Variants in UNC5B observed in about 807,000 individuals in gnomAD.
The protein encoded by UNC5B is netrin receptor UNC5B.
UNC5B carries 56 observed loss-of-function variants against 103.7 expected under a neutral mutation model. The ratio of observed to expected loss-of-function variants is 0.54; its 90% confidence interval spans 0.44 to 0.67. UNC5B has a LOEUF of 0.67. Ranked by LOEUF, UNC5B falls within the 30% of genes least tolerant of loss-of-function variation. The pLI is 0.00. For missense variants in UNC5B, 1,194 were observed against 1,284.5 expected (o/e 0.93, Z 1.08); for synonymous variants, 577 against 542.0 (o/e 1.06, Z -0.90).
At chr10:71,270,891 C>T (rs1298854784) in intron 1 of UNC5B, among the ~76,000 whole-genome samples, 1 of 152,162 alleles carries the variant, frequency 6.6e-6, no homozygotes, top group Non-Finnish European at 1.5e-5. Context: ...CTTAGGGGGA[C>T]AGCAGCATTA....
intron 1 of UNC5B, among the ~76,000 whole-genome samples, chr10:71,228,752 G>A (rs1843622094): frequency 6.6e-6 from 1 of 152,248 alleles, no homozygotes; most frequent in South Asian, 2.1e-4. Context: ...CACCCACGGG[G>A]CCTCCTCTGT....
rs745870058 is a variant in UNC5B at position 71,299,243 on chromosome 10, T to C, written c.2804T>C (p.Met935Thr). 22 of 1,614,032 alleles carry C rather than the reference T, an allele frequency of 1.4e-5. No homozygotes were observed. The Admixed American group carries it at 1.8e-4, about 13-fold the overall frequency. ...TTGGAGGAGATGGGCAAGAGTGAGA[T>C]GCTGGTGGCTGTGGCCACCGACGGG... Reference protein sequence around the residue: ...SALEEMGKSEMLVAVATDGDC With the variant: ...SALEEMGKSETLVAVATDGDC Residue 935 changes from methionine to threonine, a missense_variant, in exon 17 of 17, where the codon ATG becomes ACG. Physicochemically the swap from Met to Thr is moderately conservative, Grantham distance 81. Coordinates refer to ENST00000335350, the MANE Select transcript of UNC5B (RefSeq NM_170744.5).
chr10:71,302,227 G>A lies in UNC5B; in HGVS notation c.*2950G>A, dbSNP rs2132323270. On this transcript the variant is annotated 3_prime_UTR_variant, in exon 17 of 17. Transcript: ENST00000335350. ...AGCTCAGGTACCCTTGGGGGTTGCA[G>A]GGCCCTTACGCAGGTATTTCTCTCT... is the stretch of plus-strand genomic sequence containing the variant. 6.6e-6 allele frequency: 1 copy of A among 152,324 alleles called. No individual in the cohort carries two copies. Among genetic ancestry groups the A allele is most frequent in the African/African-American group, 2.4e-5 (1 of 41,534 alleles). The allele number at this position is 152,324 out of a possible 1,614,324, so 9.4% of individuals were successfully genotyped here.
chr10:71,241,249 G>A (rs913912325), intron 1 of UNC5B, among the ~76,000 whole-genome samples: 8 of 152,182 alleles, frequency 5.3e-5, no homozygotes, highest in Non-Finnish European at 7.3e-5. Flanking sequence ...TTTAGCTAGA[G>A]GAGAGGTTGC....
chr10:71,229,379 G>A (rs1254100672), intron 1 of UNC5B, among the ~76,000 whole-genome samples: 2 of 152,218 alleles, frequency 1.3e-5, no homozygotes, highest in African/African-American at 4.8e-5. Flanking sequence ...ATTGCCGGAA[G>A]GTCCTGCTCC....
At chr10:71,254,218 G>A (rs555117773) in intron 1 of UNC5B, among the ~76,000 whole-genome samples, 21 of 152,356 alleles carry the variant, frequency 1.4e-4, no homozygotes, top group African/African-American at 4.6e-4. Context: ...TAGCAGAGGG[G>A]GTTTTGTGCC....
At chr10:71,286,641 T>TCAA (rs1845090158) in intron 4 of UNC5B, 48 bp from the exon 5 acceptor site, 1 of 1,605,930 alleles carries the variant, frequency 6.2e-7, no homozygotes, top group South Asian at 1.1e-5. Context: ...CTGTTTATGA[T>TCAA]CAAACCTGTC....
intron 1 of UNC5B, among the ~76,000 whole-genome samples, chr10:71,272,171 C>T (rs1844661713): frequency 6.6e-6 from 1 of 152,196 alleles, no homozygotes; most frequent in Non-Finnish European, 1.5e-5. Flanking sequence ...ATTTTCCATG[C>T]AGTGGGAGGT....
chr10:71,280,612 A>G (rs71477533), intron 2 of UNC5B, among the ~76,000 whole-genome samples: 3,824 of 152,180 alleles, frequency 0.025, 69 homozygotes, highest in Non-Finnish European at 0.039. Context: ...GAAACTGGGA[A>G]ACTCGAGGAA....
chr10:71,262,773 C>T (rs1203997065), intron 1 of UNC5B, among the ~76,000 whole-genome samples: 1 of 152,204 alleles, frequency 6.6e-6, no homozygotes, highest in Non-Finnish European at 1.5e-5. Context: ...CTGGGCCTCA[C>T]TTGGCACAGC....
chr10:71,269,348 C>CCCCA (rs1554865177), intron 1 of UNC5B, among the ~76,000 whole-genome samples: 2 of 143,416 alleles, frequency 1.4e-5, no homozygotes, highest in Non-Finnish European at 1.5e-5. Context: ...TGAAGTCCCC[C>CCCCA]CCCCACAACT....
chr10:71,275,354 G>C (rs942038268), intron 1 of UNC5B, among the ~76,000 whole-genome samples: 12 of 152,220 alleles, frequency 7.9e-5, no homozygotes, highest in Non-Finnish European at 5.9e-5. Flanking sequence ...CTTAGATGTG[G>C]TTCCTCTGTA....
chr10:71,295,376 ATCTG>A, intron 13 of UNC5B, among the ~76,000 whole-genome samples: 1 of 152,240 alleles, frequency 6.6e-6, no homozygotes, highest in Non-Finnish European at 1.5e-5. Context: ...TCATCCATCC[ATCTG>A]TCTTTCTGTT....
At chr10:71,229,589 A>G (rs573285055) in intron 1 of UNC5B, among the ~76,000 whole-genome samples, 1 of 152,272 alleles carries the variant, frequency 6.6e-6, no homozygotes, top group East Asian at 1.9e-4. Context: ...GGCCCACTGG[A>G]CCAGAGCGCT....
rs142557617 is a variant in UNC5B, at chr10:71,216,660, C to T, written c.79+3596C>T. Among the ~76,000 whole-genome samples, 374 of 152,346 alleles carry T rather than the reference C, an allele frequency of 2.5e-3. 2 individuals are homozygous for T. The highest frequency in any genetic ancestry group is 8.1e-3 in the African/African-American group (337 of 41,568). The stretch of plus-strand genomic sequence containing the variant: ...AAGCTTTAGGAGCCAGTGCCCTCCC[C>T]CACCTTTGTTGTTGAGTTTCTCCTG... On this transcript the variant is annotated intron_variant, in intron 1 of 16. Coordinates refer to ENST00000335350, the MANE Select transcript of UNC5B (RefSeq NM_170744.5).
Position 71,291,457 on chromosome 10 carries a change from T to G in UNC5B, c.1320T>G (p.Ser440=), listed in dbSNP as rs761303672. 3 of 1,612,446 alleles carry G rather than the reference T, an allele frequency of 1.9e-6. No homozygotes were observed. Among genetic ancestry groups the G allele is most frequent in the Non-Finnish European group, 1.7e-6 (2 of 1,179,182 alleles). The change falls in exon 10 of 17, where the codon TCT becomes TCG. Residue 440 remains serine, a synonymous_variant. Transcript: ENST00000335350. ...GCAACCCGCAGCTCCTACACCCCTC[T>G]GTGCCTCCTGACCTGACAGCCAGCG... ...RPSNPQLLHP[S]VPPDLTASAG...
chr10:71,289,926 G>A (rs1319132065), intron 8 of UNC5B, among the ~76,000 whole-genome samples: 1 of 152,220 alleles, frequency 6.6e-6, no homozygotes. Context: ...AGGACTCCAG[G>A]CAGAGGAAGC....
intron 7 of UNC5B, 81 bp downstream of exon 7, chr10:71,288,813 C>T: frequency 6.5e-7 from 1 of 1,544,150 alleles, no homozygotes; most frequent in South Asian, 1.2e-5. Flanking sequence ...CCCCATGCCT[C>T]AGTGCCCAGC....
intron 4 of UNC5B, 33 bp from the exon 5 acceptor site, chr10:71,286,656 G>T (rs753586291): frequency 6.2e-7 from 1 of 1,612,020 alleles, no homozygotes; most frequent in South Asian, 1.1e-5. Flanking sequence ...CCTGTCCTGG[G>T]CCCTCACTGC....
Sources: gnomAD v4.1 joint callset for allele counts (sites outside exome capture counted in the v4.1 genomes callset) on GRCh38, gnomAD v4.1.1 for gene constraint, MANE v1.5 for transcripts, NCBI Gene and HGNC (gene_info 2026-07-23, HGNC 2026-07-21) for gene names.